The following LTV1 variants were observed in gnomAD, a reference collection of about 807,000 sequenced individuals.
The protein encoded by LTV1 is protein LTV1 homolog.
Under a neutral mutation model 59.9 loss-of-function variants are expected in LTV1, and 39 were observed. The observed-to-expected ratio is 0.65, with a 90% CI of 0.50 to 0.85. The LOEUF (loss-of-function observed/expected upper bound fraction) is 0.85, where lower values mean the gene tolerates loss of function less well. Ranked by LOEUF, LTV1 falls within the 40% of genes least tolerant of loss-of-function variation. The pLI, the probability that LTV1 is intolerant of heterozygous loss-of-function variation, is 0.00. For missense variants in LTV1, 493 were observed against 549.1 expected, an observed-to-expected ratio of 0.90 and a Z score of 1.02; for synonymous variants, 171 against 189.5, an observed-to-expected ratio of 0.90 and a Z score of 0.80.
Position 143,863,559 on chromosome 6 carries a change from T to G in LTV1, c.*32T>G. 1 of 1,398,532 alleles carries G rather than the reference T, an allele frequency of 7.2e-7. No homozygotes were observed. The highest frequency in any genetic ancestry group is 9.9e-7 in the Non-Finnish European group (1 of 1,010,914). 86.6% of individuals were successfully genotyped at this position (1,398,532 alleles called of 1,614,324 possible). ...GAGCATACAGGGCAAGGCACTTTATTAGGGGCTCCTCATCTTTGGTTATTG... is the reference window on the plus strand; with the variant it reads ...GAGCATACAGGGCAAGGCACTTTATGAGGGGCTCCTCATCTTTGGTTATTG... On this transcript the variant is annotated 3_prime_UTR_variant, in exon 11 of 11. Coordinates refer to ENST00000367576, the MANE Select transcript of LTV1 (RefSeq NM_032860.5). The surrounding 1 kb of genome is among the most constrained non-coding windows in gnomAD (Gnocchi z 4.5).
intron 3 of LTV1, among the ~76,000 whole-genome samples, chr6:143,846,496 TAGG>T (rs1478411259): frequency 2.0e-5 from 3 of 152,192 alleles, no homozygotes; most frequent in Non-Finnish European, 4.4e-5. Flanking sequence ...CACTTTTCAA[TAGG>T]AGAAAAGCAG....
intron 2 of LTV1, among the ~76,000 whole-genome samples, chr6:143,845,375 A>T (rs1455323901): frequency 6.6e-6 from 1 of 152,012 alleles, no homozygotes; most frequent in Non-Finnish European, 1.5e-5. Flanking sequence ...TAAATACAAG[A>T]AATTGTACTT....
At chr6:143,844,459 A>G (rs1405748035) in intron 1 of LTV1, 27 bp from the exon 2 acceptor site, 2 of 1,610,218 alleles carry the variant, frequency 1.2e-6, no homozygotes, top group East Asian at 4.5e-5. Context: ...TGTTTTAATT[A>G]ATTGTTGTGA....
Position 143,855,203 on chromosome 6 carries a change from C to T in LTV1, c.398-2100C>T, listed in dbSNP as rs1261231589. ...TTGTTCCCTTTACTATTATGTAATGCCCTTCTTTGTGTTTTTTGATCTTTG... is the reference window on the plus strand; with the variant it reads ...TTGTTCCCTTTACTATTATGTAATGTCCTTCTTTGTGTTTTTTGATCTTTG... On this transcript the variant is annotated intron_variant, in intron 4 of 10. Transcript: ENST00000367576. This position sits in a 1 kb window ranked among gnomAD's most constrained non-coding sequence, Gnocchi z 4.6. Among the ~76,000 whole-genome samples the T allele has an allele frequency of 1.3e-5, 2 of 151,980 alleles. No individual in the cohort carries two copies. Among genetic ancestry groups the T allele is most frequent in the Non-Finnish European group, 2.9e-5 (2 of 67,992 alleles).
At position 143,857,856 on chromosome 6, in the gene LTV1, G is replaced by A. The variant is rs755223824; in HGVS notation, c.644G>A (p.Cys215Tyr). Residue 215 changes from cysteine to tyrosine, a missense_variant, in exon 6 of 11, where the codon TGT (cysteine) becomes TAT (tyrosine). By Grantham distance (194) the Cys-to-Tyr change is radical. Transcript: ENST00000367576. The surrounding 1 kb of genome is among the most constrained non-coding windows in gnomAD (Gnocchi z 5.2). Reference sequence around the variant, plus strand: ...GCAGGCCTATTGTCAGATGAAGACTGTATGTCTGTGCCCGGAAAAACTCAC... The same window carrying A: ...GCAGGCCTATTGTCAGATGAAGACTATATGTCTGTGCCCGGAAAAACTCAC... The part of the protein sequence containing the change: ...DSAGLLSDED[C>Y]MSVPGKTHRA... 1.9e-6 allele frequency: 3 copies of A among 1,614,138 alleles called. No individual in the cohort carries two copies. In the Admixed American group the frequency reaches 5.0e-5, roughly 27 times the overall value.
Position 143,844,583 on chromosome 6 carries a change from G to A in LTV1, c.101G>A (p.Ser34Asn). 6.2e-7 allele frequency: 1 copy of A among 1,613,944 alleles called. No homozygotes were observed. Among genetic ancestry groups the A allele is most frequent in the Non-Finnish European group, 8.5e-7 (1 of 1,179,980 alleles). Residue 34 changes from serine to asparagine, a missense_variant, in exon 2 of 11, where the codon AGT becomes AAT. Physicochemically the swap from Ser to Asn is conservative, Grantham distance 46. Transcript: ENST00000367576. ...SQRDPLAADE[S>N]APQRVLLPTQ... ...CGAGATCCTTTAGCAGCAGATGAGA[G>A]TGCACCCCAGAGGGTTCTATTGCCC...
chr6:143,850,059 G>A (rs1028741633), intron 3 of LTV1, 72 bp from the exon 4 acceptor site: 29 of 1,144,826 alleles, frequency 2.5e-5, no homozygotes, highest in Non-Finnish European at 3.7e-5. Context: ...ATTTGGGGGG[G>A]ACTTCAACCC....
chr6:143,848,217 A>G (rs1046265112), intron 3 of LTV1, among the ~76,000 whole-genome samples: 7 of 152,342 alleles, frequency 4.6e-5, no homozygotes, highest in Admixed American at 4.6e-4. Flanking sequence ...TTCTAAGGAT[A>G]AATATCACAA....
chr6:143,861,365 G>A (rs973982186), intron 7 of LTV1, among the ~76,000 whole-genome samples: 2 of 151,594 alleles, frequency 1.3e-5, no homozygotes, highest in Non-Finnish European at 2.9e-5. Flanking sequence ...AACCTGGAAG[G>A]CAGAGGTTGC....
intron 4 of LTV1, among the ~76,000 whole-genome samples, chr6:143,851,137 G>A (rs1776977271): frequency 6.6e-6 from 1 of 152,144 alleles, no homozygotes; most frequent in Non-Finnish European, 1.5e-5. Flanking sequence ...AGAAGGAAGG[G>A]TATGGATTAA....
chr6:143,861,899 C>T (rs748211076), intron 7 of LTV1, among the ~76,000 whole-genome samples: 11 of 152,078 alleles, frequency 7.2e-5, no homozygotes, highest in Non-Finnish European at 7.3e-5. Flanking sequence ...TCCTATCAGC[C>T]GAGTGAATGT....
At chr6:143,844,698 T>G in intron 2 of LTV1, 81 bp downstream of exon 2, 1 of 1,412,904 alleles carries the variant, frequency 7.1e-7, no homozygotes, top group East Asian at 2.5e-5. Flanking sequence ...ATAAATAGAG[T>G]CTTAGCACGT....
chr6:143,849,705 G>A (rs1322789150), intron 3 of LTV1, among the ~76,000 whole-genome samples: 3 of 152,200 alleles, frequency 2.0e-5, no homozygotes, highest in Non-Finnish European at 4.4e-5. Flanking sequence ...CACAAACTAG[G>A]TGACTTAAAA....
rs1262534613 is a variant in LTV1, at chr6:143,863,033, A to AT, written c.1117-47dup. The AT allele has an allele frequency of 3.9e-6, 6 of 1,521,608 alleles. No homozygotes were observed. In the Admixed American group the frequency reaches 8.5e-5, roughly 22 times the overall value. 94.3% of individuals were successfully genotyped at this position (1,521,608 alleles called of 1,614,324 possible). On this transcript the variant is annotated intron_variant, in intron 9 of 10. Coordinates refer to ENST00000367576, the MANE Select transcript of LTV1 (RefSeq NM_032860.5). The surrounding 1 kb of genome is among the most constrained non-coding windows in gnomAD (Gnocchi z 4.5). ...ATCAACAGTATGTCATTAATGAGCTATTTTTTAATAGGAATGAGAAGTAAC... is the reference window on the plus strand; with the variant it reads ...ATCAACAGTATGTCATTAATGAGCTATTTTTTTAATAGGAATGAGAAGTAAC...
intron 7 of LTV1, among the ~76,000 whole-genome samples, chr6:143,861,083 G>GAT (rs930296175): frequency 1.8e-4 from 27 of 152,040 alleles, no homozygotes; most frequent in East Asian, 1.7e-3. Context: ...TTTTAGTAGA[G>GAT]ATGGGGTTCC....
At chr6:143,843,570 G>C in intron 1 of LTV1, 90 bp downstream of exon 1, 1 of 1,535,130 alleles carries the variant, frequency 6.5e-7, no homozygotes, top group Non-Finnish European at 8.9e-7. Context: ...ACTGCGGCCC[G>C]GGTCTGGGTC....
intron 7 of LTV1, among the ~76,000 whole-genome samples, chr6:143,861,780 A>G (rs1325042214): frequency 7.0e-6 from 1 of 143,642 alleles, no homozygotes; most frequent in African/African-American, 2.6e-5. Flanking sequence ...TATATAGTTG[A>G]GTGAAATATT....
chr6:143,860,016 T>C (rs1265067047), intron 6 of LTV1, among the ~76,000 whole-genome samples: 1 of 152,052 alleles, frequency 6.6e-6, no homozygotes, highest in Admixed American at 6.6e-5. Context: ...GGTGGGAAGA[T>C]TGCTTGAGCC....
At position 143,862,903 on chromosome 6, in the gene LTV1, C is replaced by A. The variant is rs1449455821; in HGVS notation, c.1116+7C>A. 2 of 1,590,834 alleles carry A rather than the reference C, an allele frequency of 1.3e-6. No homozygotes were observed. The highest frequency in any genetic ancestry group is 1.1e-5 in the South Asian group (1 of 90,594). On this transcript the variant is annotated splice_region_variant and intron_variant, in intron 9 of 10. Coordinates refer to ENST00000367576, the MANE Select transcript of LTV1 (RefSeq NM_032860.5). This position sits in a 1 kb window ranked among gnomAD's most constrained non-coding sequence, Gnocchi z 4.2. Reference sequence around the variant, plus strand: ...TATCAAGTATCAACCAAAGGTAAGTCCTAGTGTGCTGAGCTATTTGAAGGA... The same window carrying A: ...TATCAAGTATCAACCAAAGGTAAGTACTAGTGTGCTGAGCTATTTGAAGGA...
Sources: allele counts gnomAD v4.1 joint callset (sites outside exome capture counted in the v4.1 genomes callset), GRCh38; gene constraint gnomAD v4.1.1; non-coding constraint Gnocchi (gnomAD v3.1); transcripts MANE v1.5; gene names NCBI Gene and HGNC (gene_info 2026-07-23, HGNC 2026-07-21).